NCAM2: variants seen among roughly 807,000 people sequenced by gnomAD.
NCAM2 encodes neural cell adhesion molecule 2, also known as N-CAM-2.
A neutral mutation model predicts 98.1 loss-of-function variants in NCAM2; 30 were observed. The observed-to-expected ratio is 0.31, with a 90% CI of 0.23 to 0.41. The LOEUF is 0.41. Among genes scored for constraint, NCAM2 ranks in the 10% least tolerant of loss-of-function variants. The pLI is 1.00. For missense variants in NCAM2, 867 were observed against 1,005.8 expected, an observed-to-expected ratio of 0.86 and a Z score of 1.87; for synonymous variants, 368 against 342.4, an observed-to-expected ratio of 1.07 and a Z score of -0.83.
chr21:21,142,079 C>CT (rs1236140460), intron 1 of NCAM2, among the ~76,000 whole-genome samples: 1 of 152,118 alleles, frequency 6.6e-6, no homozygotes, highest in African/African-American at 2.4e-5. Flanking sequence ...TCTTGATCTC[C>CT]TTTCTTCTGG....
chr21:21,326,471 T>A (rs970378749), intron 6 of NCAM2, among the ~76,000 whole-genome samples: 1 of 152,142 alleles, frequency 6.6e-6, no homozygotes, highest in Admixed American at 6.5e-5. Context: ...GCTTACCAAT[T>A]ACTTCTCACC....
rs1225006334 is a variant in NCAM2 at position 21,468,767 on chromosome 21, T to C, written c.1880T>C (p.Ile627Thr). The C allele has an allele frequency of 8.1e-6, 13 of 1,610,812 alleles. No homozygotes were observed. Among genetic ancestry groups the C allele is most frequent in the East Asian group, 2.2e-5 (1 of 44,790 alleles). The change falls in exon 14 of 18, where the codon ATT becomes ACT. Residue 627 changes from isoleucine to threonine, a missense_variant. Ile to Thr is a moderately conservative substitution (Grantham distance 89). Transcript: ENST00000400546. ...DDGGAPILEY[I>T]VKYRSKDKED... is the part of the protein sequence containing the mutation. ...GGAGGGGCCCCTATTTTGGAATACA[T>C]TGTGAAATATAGAAGTGTAAGTACC...
chr21:21,272,984 TAC>T (rs60333494), intron 1 of NCAM2, among the ~76,000 whole-genome samples: 42,599 of 143,096 alleles, frequency 0.3, 6,534 homozygotes, highest in Middle Eastern at 0.38. Context: ...TTCACACACA[TAC>T]ACACACACAC....
At chr21:21,122,592 T>G (rs1302810309) in intron 1 of NCAM2, among the ~76,000 whole-genome samples, 1 of 152,202 alleles carries the variant, frequency 6.6e-6, no homozygotes, top group Admixed American at 6.5e-5. Context: ...TGGGCTGGGT[T>G]TGCTCAGCCA....
At chr21:21,426,001 A>T in intron 11 of NCAM2, among the ~76,000 whole-genome samples, 1 of 151,942 alleles carries the variant, frequency 6.6e-6, no homozygotes, top group East Asian at 1.9e-4. Context: ...TGTAGGTCCA[A>T]TAACCAAATT....
intron 1 of NCAM2, among the ~76,000 whole-genome samples, chr21:21,056,639 G>A (rs1283913261): frequency 2.6e-5 from 4 of 151,772 alleles, no homozygotes; most frequent in Non-Finnish European, 5.9e-5. Context: ...AAAAACAGAG[G>A]TGTGACATGG....
At chr21:21,023,521 T>TA (rs960175416) in intron 1 of NCAM2, among the ~76,000 whole-genome samples, 2,010 of 140,718 alleles carry the variant, frequency 0.014, 31 homozygotes, top group African/African-American at 0.044. Flanking sequence ...GAGACTCCAT[T>TA]AAAAAAAAAA....
In NCAM2 at chr21:21,074,707, A is replaced by G. The variant is rs2065642634; in HGVS notation, c.55+76089A>G. ...TCCCTACAATTAGATGGGTCAAGCT[A>G]ACACTCGTTCTTTCTTGCTTCCTCT... is the stretch of plus-strand genomic sequence containing the variant. On this transcript the variant is annotated intron_variant, in intron 1 of 17. Coordinates refer to ENST00000400546, the MANE Select transcript of NCAM2 (RefSeq NM_004540.5). Among the ~76,000 whole-genome samples the G allele has an allele frequency of 2.0e-5, 3 of 150,788 alleles. 1 individual carries two copies. The South Asian group carries it at 6.3e-4, about 32-fold the overall frequency.
At chr21:21,429,528 G>A (rs958319146) in intron 11 of NCAM2, among the ~76,000 whole-genome samples, 2 of 152,066 alleles carry the variant, frequency 1.3e-5, no homozygotes, top group African/African-American at 4.8e-5. Flanking sequence ...TTGAAGAATT[G>A]GCATTTTTTA....
At chr21:21,504,643 T>A (rs1221934957) in intron 15 of NCAM2, among the ~76,000 whole-genome samples, 2 of 151,790 alleles carry the variant, frequency 1.3e-5, no homozygotes, top group Non-Finnish European at 2.9e-5. Flanking sequence ...TTAACTTTTA[T>A]AGTTGTAACA....
chr21:21,345,966 G>A (rs556950054), intron 8 of NCAM2, among the ~76,000 whole-genome samples: 5 of 151,904 alleles, frequency 3.3e-5, no homozygotes, highest in Non-Finnish European at 7.4e-5. Context: ...AGGAAGACAG[G>A]AAGGATAGAA....
chr21:21,470,717 G>T (rs1019252796), intron 14 of NCAM2, among the ~76,000 whole-genome samples: 19 of 151,980 alleles, frequency 1.3e-4, no homozygotes, highest in African/African-American at 4.6e-4. Flanking sequence ...CTCCAGAAGT[G>T]CTAGAGGATC....
At chr21:21,442,287 G>A (rs979099669) in intron 12 of NCAM2, among the ~76,000 whole-genome samples, 1 of 152,168 alleles carries the variant, frequency 6.6e-6, no homozygotes, top group Non-Finnish European at 1.5e-5. Context: ...GGAGGGATGG[G>A]AAGAAGTTGT....
rs117072471 is a variant in NCAM2 at position 21,383,433 on chromosome 21, G to A, written c.1195+9420G>A. On this transcript the variant is annotated intron_variant, in intron 9 of 17. Transcript: ENST00000400546. ...TTTCCAAGATACCTCTGTCCTTCTG[G>A]ACAAGTTTTAGTTACCACGATCACT... Among the ~76,000 whole-genome samples the A allele has an allele frequency of 7.1e-4, 108 of 152,124 alleles. No homozygotes were observed. In the South Asian group the frequency reaches 7.5e-3, roughly 11 times the overall value.
chr21:21,401,580 G>C (rs906391898), intron 9 of NCAM2, among the ~76,000 whole-genome samples: 8 of 152,022 alleles, frequency 5.3e-5, no homozygotes, highest in African/African-American at 1.9e-4. Context: ...TCTGTGCCTG[G>C]TTTATTTCAC....
chr21:21,198,184 ATGTGTGTGTGTGTGTGTGTGTGTG>A (rs10600265), intron 1 of NCAM2, among the ~76,000 whole-genome samples: 1 of 146,242 alleles, frequency 6.8e-6, no homozygotes, highest in African/African-American at 2.5e-5. Context: ...TGTAAAGTAT[ATGTGTGTGTGTGTGTGTGTGTGTG>A]TGTGTGTGTG....
chr21:21,502,424 A>G (rs932697934), intron 15 of NCAM2, among the ~76,000 whole-genome samples: 3 of 151,972 alleles, frequency 2.0e-5, no homozygotes, highest in African/African-American at 7.2e-5. Context: ...GTATTGTTGA[A>G]TTCATGTCTA....
At chr21:21,323,328 A>G (rs887981484) in intron 5 of NCAM2, among the ~76,000 whole-genome samples, 6 of 152,122 alleles carry the variant, frequency 3.9e-5, no homozygotes, top group Non-Finnish European at 8.8e-5. Flanking sequence ...TCATAAGGGC[A>G]GAAACTTGAT....
At chr21:21,125,762 T>TC (rs1381220988) in intron 1 of NCAM2, among the ~76,000 whole-genome samples, 1 of 147,472 alleles carries the variant, frequency 6.8e-6, no homozygotes, top group Non-Finnish European at 1.5e-5. Context: ...AACCACATAT[T>TC]CTTTTTTTTC....
Sources: gnomAD v4.1 joint callset for allele counts (sites outside exome capture counted in the v4.1 genomes callset) on GRCh38, gnomAD v4.1.1 for gene constraint, MANE v1.5 for transcripts, NCBI Gene and HGNC (gene_info 2026-07-23, HGNC 2026-07-21) for gene names.